Variants in NOS1 observed in about 807,000 individuals in gnomAD.
The protein encoded by NOS1 is NOS type I.
NOS1 carries 51 observed loss-of-function variants against 164.5 expected under a neutral mutation model. The observed-to-expected ratio is 0.31, with a 90% CI of 0.25 to 0.39. NOS1 has a LOEUF of 0.39. Ranked by LOEUF, NOS1 falls within the 10% of genes least tolerant of loss-of-function variation. The pLI, the probability that NOS1 is intolerant of heterozygous loss-of-function variation, is 1.00. For synonymous variants in NOS1, 719 were observed against 745.8 expected (o/e 0.96, Z 0.59); for missense variants, 1,362 against 1,885.6 (o/e 0.72, Z 5.14).
At chr12:117,244,911 C>T (rs1870501282) in intron 18 of NOS1, among the ~76,000 whole-genome samples, 1 of 152,150 alleles carries the variant, frequency 6.6e-6, no homozygotes, top group Non-Finnish European at 1.5e-5. Context: ...GATGGGAGGA[C>T]AGGAGGTTGA....
At chr12:117,296,219 G>T (rs994935136) in intron 3 of NOS1, among the ~76,000 whole-genome samples, 1 of 152,158 alleles carries the variant, frequency 6.6e-6, no homozygotes, top group African/African-American at 2.4e-5. Flanking sequence ...TATGAGATCT[G>T]CATGAGACTG....
intron 12 of NOS1, among the ~76,000 whole-genome samples, chr12:117,264,279 C>T (rs1872188608): frequency 1.3e-5 from 2 of 151,972 alleles, no homozygotes; most frequent in African/African-American, 2.4e-5. Flanking sequence ...ATCCCTCTTT[C>T]TCTCTCTTAA....
At chr12:117,306,100 G>A (rs1874131942) in intron 3 of NOS1, among the ~76,000 whole-genome samples, 1 of 151,878 alleles carries the variant, frequency 6.6e-6, no homozygotes, top group African/African-American at 2.4e-5. Context: ...CCTGGCCCGT[G>A]GTTTTAAATC....
At chr12:117,268,974 C>T (rs1055283574) in intron 10 of NOS1, among the ~76,000 whole-genome samples, 14 of 152,222 alleles carry the variant, frequency 9.2e-5, no homozygotes, top group South Asian at 6.2e-4. Flanking sequence ...AAATTTTTAT[C>T]GAGAACCTAC....
intron 3 of NOS1, among the ~76,000 whole-genome samples, chr12:117,291,846 T>A (rs1261409166): frequency 6.6e-6 from 1 of 152,094 alleles, no homozygotes; most frequent in African/African-American, 2.4e-5. Flanking sequence ...TAGGATCACA[T>A]CTGTCTTGGA....
rs188225970 is a variant in NOS1 at position 117,354,012 on chromosome 12, G to T, written c.-421+7500C>A. On this transcript the variant is annotated intron_variant, in intron 1 of 28. Transcript: ENST00000317775. ...AACCAAATCTCTGCATTTCATCCAAGGTCATCACCCATTTTAGCCAAAAAA... is the reference window on the plus strand; with the variant it reads ...AACCAAATCTCTGCATTTCATCCAATGTCATCACCCATTTTAGCCAAAAAA... 2.1e-3 allele frequency among the ~76,000 whole-genome samples: 321 copies of T among 152,208 alleles called. 1 individual carries two copies. Among genetic ancestry groups the T allele is most frequent in the African/African-American group, 7.3e-3 (305 of 41,526 alleles).
At chr12:117,337,740 C>T (rs1875906397) in intron 1 of NOS1, among the ~76,000 whole-genome samples, 2 of 152,108 alleles carry the variant, frequency 1.3e-5, no homozygotes, top group South Asian at 4.1e-4. Context: ...ATAGAGAGGT[C>T]ATAGTAGAAT....
chr12:117,285,207 C>T (rs779044801), intron 7 of NOS1, 34 bp downstream of exon 7: 1 of 1,510,316 alleles, frequency 6.6e-7, no homozygotes, highest in Non-Finnish European at 9.2e-7. Flanking sequence ...GACTTTTGAC[C>T]TCCTGCTCCC....
intron 1 of NOS1, among the ~76,000 whole-genome samples, chr12:117,337,338 G>A (rs974978798): frequency 2.2e-4 from 33 of 151,768 alleles, no homozygotes; most frequent in Non-Finnish European, 4.7e-4. Flanking sequence ...GGATGGTCTC[G>A]AGCTCCTGAC....
chr12:117,284,661 T>C (rs1873957366), intron 7 of NOS1, among the ~76,000 whole-genome samples: 1 of 152,216 alleles, frequency 6.6e-6, no homozygotes, highest in Non-Finnish European at 1.5e-5. Flanking sequence ...GATACTGAAC[T>C]GTGGGTTGAA....
rs896697624 is a variant in NOS1, at chr12:117,234,995, T to C, written c.3042-237A>G. Among the ~76,000 whole-genome samples, 3 of 151,994 alleles carry C rather than the reference T, an allele frequency of 2.0e-5. No individual in the cohort carries two copies. The highest frequency in any genetic ancestry group is 7.2e-5 in the African/African-American group (3 of 41,380). The stretch of plus-strand genomic sequence containing the variant: ...GTGCAGTGGTGCGATCACGGCTCAC[T>C]GCAGCCTCTATCTCCCAAGCTCAAT... On this transcript the variant is annotated intron_variant, in intron 20 of 28. Coordinates refer to ENST00000317775, the MANE Select transcript of NOS1 (RefSeq NM_000620.5). The surrounding 1 kb of genome is among the most constrained non-coding windows in gnomAD (Gnocchi z 4.3).
chr12:117,320,516 A>G lies in NOS1; in HGVS notation c.726-8924T>C, dbSNP rs575766185. Among the ~76,000 whole-genome samples the G allele has an allele frequency of 7.9e-5, 12 of 152,318 alleles. No individual in the cohort carries two copies. The South Asian group carries it at 2.3e-3, about 29-fold the overall frequency. ...ACAGTCCTGCTGATACCTTGATTTGATATCAGCCCACTGAGACCACTTCAG... is the reference window on the plus strand; with the variant it reads ...ACAGTCCTGCTGATACCTTGATTTGGTATCAGCCCACTGAGACCACTTCAG... On this transcript the variant is annotated intron_variant, in intron 2 of 28. Coordinates refer to ENST00000317775, the MANE Select transcript of NOS1 (RefSeq NM_000620.5).
At chr12:117,348,987 G>A (rs752951247) in intron 1 of NOS1, among the ~76,000 whole-genome samples, 1 of 152,178 alleles carries the variant, frequency 6.6e-6, no homozygotes, top group Non-Finnish European at 1.5e-5. Context: ...GGTTATGTAC[G>A]ATATTAACAT....
chr12:117,295,598 G>C (rs1873356765), intron 3 of NOS1, among the ~76,000 whole-genome samples: 1 of 147,266 alleles, frequency 6.8e-6, no homozygotes, highest in African/African-American at 2.5e-5. Flanking sequence ...TCATGTTAGA[G>C]ATCTTTCCTG....
At chr12:117,347,355 T>C (rs765388331) in intron 1 of NOS1, among the ~76,000 whole-genome samples, 1 of 151,064 alleles carries the variant, frequency 6.6e-6, no homozygotes, top group Non-Finnish European at 1.5e-5. Context: ...TCATCAAAGA[T>C]AGAAATTTCT....
intron 17 of NOS1, among the ~76,000 whole-genome samples, chr12:117,250,115 T>A (rs1439656676): frequency 1.3e-5 from 2 of 151,854 alleles, no homozygotes; most frequent in African/African-American, 4.8e-5. Context: ...GTAGGAGAAG[T>A]TGGAAAGGCA....
In NOS1 at chr12:117,247,594, C is replaced by CTA. The variant is rs1473886930; in HGVS notation, c.2649-74_2649-73dup. Reference sequence around the variant, plus strand: ...TGTGGGGAGTGTCTGGTGTAATGGGCTAAACTGTGTCCCCCCAAATTTCAT... The same window carrying CTA: ...TGTGGGGAGTGTCTGGTGTAATGGGCTATAAACTGTGTCCCCCCAAATTTCAT... On this transcript the variant is annotated intron_variant, in intron 17 of 28. Transcript: ENST00000317775. 8.8e-6 allele frequency: 12 copies of CTA among 1,356,358 alleles called. No homozygotes were observed. The Admixed American group carries it at 2.8e-4, about 32-fold the overall frequency. The allele number at this position is 1,356,358 out of a possible 1,614,324, so 84.0% of individuals were successfully genotyped here.
intron 10 of NOS1, among the ~76,000 whole-genome samples, chr12:117,270,537 C>G (rs758852783): frequency 1.3e-5 from 2 of 151,810 alleles, no homozygotes; most frequent in African/African-American, 2.4e-5. Flanking sequence ...GAGTGTATGA[C>G]AGAGGAAAGT....
In NOS1 at chr12:117,290,417, A is replaced by G; in HGVS notation, c.862T>C (p.Ser288Pro). ...PYSEKEQPPT[S>P]GKQSPTKNGS... ...TTCTTTGTGGGGGACTGTTTTCCTG[A>G]GGTGGGGGGCTGCAGGAGAGAATGA... The change falls in exon 4 of 29, where the codon TCA becomes CCA. Residue 288 changes from serine to proline, a missense_variant. This residue lies in a region of NOS1 where 362 missense variants were observed against 402.0 expected (regional missense o/e 0.90). Transcript: ENST00000317775. 6.2e-7 allele frequency: 1 copy of G among 1,611,634 alleles called. No individual in the cohort carries two copies. The highest frequency in any genetic ancestry group is 8.5e-7 in the Non-Finnish European group (1 of 1,178,738).
Sources: gnomAD v4.1 joint callset for allele counts (sites outside exome capture counted in the v4.1 genomes callset) on GRCh38, gnomAD v4.1.1 for gene constraint, gnomAD v4.1.1 regional missense constraint, Gnocchi (gnomAD v3.1) non-coding constraint, MANE v1.5 for transcripts, NCBI Gene and HGNC (gene_info 2026-07-23, HGNC 2026-07-21) for gene names.